Variants in LRRC74B observed in about 807,000 individuals in gnomAD.
LRRC74B encodes the protein leucine-rich repeat-containing protein 74B.
Under a neutral mutation model 16.6 loss-of-function variants are expected in LRRC74B, and 30 were observed. That is an observed-to-expected ratio of 1.80 (90% CI 1.35 to 2.45). The LOEUF is 2.45. Among genes scored for constraint, LRRC74B ranks in the 30% most tolerant of loss-of-function variants. LRRC74B has a pLI of 0.00. For missense variants in LRRC74B, 326 were observed against 202.4 expected, an observed-to-expected ratio of 1.61 and a Z score of -3.71; for synonymous variants, 134 against 86.0, an observed-to-expected ratio of 1.56 and a Z score of -3.09.
intron 7 of LRRC74B, chr22:21,056,895 A>T (rs1022382752): frequency 7.0e-6 from 4 of 573,268 alleles, no homozygotes; most frequent in Non-Finnish European, 1.2e-5. Flanking sequence ...TGTCTATATC[A>T]ATCGGAGGCC....
intron 3 of LRRC74B, chr22:21,048,304 A>G (rs1211943504): frequency 4.7e-6 from 2 of 421,118 alleles, no homozygotes; most frequent in East Asian, 4.9e-5. Flanking sequence ...CCAGTACCTG[A>G]ATGCAGGATG....
chr22:21,056,758 GCCTTTC>G (rs1226937538), intron 7 of LRRC74B: 10 of 237,518 alleles, frequency 4.2e-5, no homozygotes, highest in Admixed American at 1.7e-4. Context: ...TCCCCTCCCA[GCCTTTC>G]CCTCCCAGGG....
intron 8 of LRRC74B, among the ~76,000 whole-genome samples, chr22:21,058,208 T>C (rs977557061): frequency 2.6e-5 from 4 of 151,954 alleles, no homozygotes; most frequent in African/African-American, 9.7e-5. Context: ...CGAATTTTGA[T>C]TTTTTTAATG....
At chr22:21,049,667 G>A (rs1461022506) in intron 4 of LRRC74B, among the ~76,000 whole-genome samples, 1 of 151,720 alleles carries the variant, frequency 6.6e-6, no homozygotes, top group African/African-American at 2.4e-5. Context: ...TCCCAGACTG[G>A]CGGACAGCAG....
intron 6 of LRRC74B, 61 bp from the exon 7 acceptor site, chr22:21,055,037 T>TG (rs1305806996): frequency 2.8e-6 from 2 of 704,646 alleles, no homozygotes; most frequent in Non-Finnish European, 5.3e-6. Flanking sequence ...CCTGGGGCAG[T>TG]GGGCTCTGCA....
intron 6 of LRRC74B, 107 bp downstream of exon 6, chr22:21,053,582 C>T (rs1405012629): frequency 3.2e-6 from 2 of 632,966 alleles, no homozygotes; most frequent in African/African-American, 3.7e-5. Flanking sequence ...GCTTGAGCCA[C>T]AATCCCAGAG....
At chr22:21,055,668 G>A (rs1471436268) in intron 7 of LRRC74B, among the ~76,000 whole-genome samples, 2 of 152,142 alleles carry the variant, frequency 1.3e-5, no homozygotes, top group Non-Finnish European at 2.9e-5. Flanking sequence ...GGACCACTGT[G>A]CCCACAGCAG....
At chr22:21,050,664 G>A (rs1003559003) in intron 4 of LRRC74B, among the ~76,000 whole-genome samples, 3 of 151,528 alleles carry the variant, frequency 2.0e-5, no homozygotes, top group African/African-American at 4.9e-5. Flanking sequence ...TGTAGTCCCA[G>A]CTACATGGGA....
At chr22:21,052,782 A>G (rs1417311813) in intron 5 of LRRC74B, among the ~76,000 whole-genome samples, 1 of 152,138 alleles carries the variant, frequency 6.6e-6, no homozygotes, top group African/African-American at 2.4e-5. Context: ...TGGGTGGCTC[A>G]AGCTGGTGCT....
intron 3 of LRRC74B, chr22:21,048,305 A>T (rs574318675): frequency 1.4e-5 from 6 of 418,740 alleles, no homozygotes; most frequent in Non-Finnish European, 2.2e-5. Context: ...CAGTACCTGA[A>T]TGCAGGATGG....
chr22:21,064,165 A>G (rs1467164681), downstream of LRRC74B: 3 of 152,324 alleles, frequency 2.0e-5, no homozygotes, highest in African/African-American at 7.2e-5. Flanking sequence ...TAATGTATAG[A>G]CAACCAATAG....
At chr22:21,046,223 G>T (rs1490553056) in intron 1 of LRRC74B, 98 bp downstream of exon 1, 4 of 642,652 alleles carry the variant, frequency 6.2e-6, no homozygotes, top group East Asian at 2.7e-5. Flanking sequence ...AGCAGGGAAC[G>T]TACCCGCCTG....
intron 4 of LRRC74B, among the ~76,000 whole-genome samples, chr22:21,050,067 C>T (rs746072167): frequency 1.1e-4 from 16 of 152,064 alleles, no homozygotes; most frequent in Admixed American, 2.0e-4. Flanking sequence ...GACAGAGTCT[C>T]GCTCTGTCAC....
chr22:21,048,842 C>T (rs1351204484), intron 3 of LRRC74B, 109 bp from the exon 4 acceptor site: 2 of 647,760 alleles, frequency 3.1e-6, no homozygotes, highest in African/African-American at 1.8e-5. Context: ...GGACAGTTAA[C>T]CTGTAAGTCC....
At chr22:21,062,277 AT>A (rs1228571837), downstream of LRRC74B, 1 of 152,154 alleles carries the variant, frequency 6.6e-6, no homozygotes, top group Non-Finnish European at 1.5e-5. Context: ...TCTAAAATTG[AT>A]TGTGGTGATG....
At chr22:21,049,425 C>T in intron 4 of LRRC74B, 1 of 481,400 alleles carries the variant, frequency 2.1e-6, no homozygotes, top group South Asian at 3.7e-5. Flanking sequence ...AGTTCCTGAC[C>T]TCAAGGGACA....
chr22:21,051,782 C>T (rs1242978533), intron 4 of LRRC74B, among the ~76,000 whole-genome samples: 2 of 152,226 alleles, frequency 1.3e-5, no homozygotes, highest in Non-Finnish European at 2.9e-5. Context: ...TCCCCCTCCC[C>T]AGGCCCAGCT....
In LRRC74B at chr22:21,047,336, G is replaced by C; in HGVS notation, c.140-20G>C. 1.4e-6 allele frequency: 1 copy of C among 716,030 alleles called. No homozygotes were observed. The highest frequency in any genetic ancestry group is 2.6e-6 in the Non-Finnish European group (1 of 384,388). 44.4% of individuals were successfully genotyped at this position (716,030 alleles called of 1,614,324 possible). On this transcript the variant is annotated intron_variant, in intron 1 of 8. Transcript: ENST00000442047. Reference sequence around the variant, plus strand: ...CTGTAGCTGTGCAGGGTCCACATTCGTCCCCCTGTCTCCTGCCAGGCACCG... The same window carrying C: ...CTGTAGCTGTGCAGGGTCCACATTCCTCCCCCTGTCTCCTGCCAGGCACCG...
exon 6 of LRRC74B, chr22:21,053,452 C>T (rs889466497): frequency 9.8e-6 from 7 of 717,128 alleles, no homozygotes; most frequent in South Asian, 3.0e-5. Context: ...AGGCCAACAA[C>T]GTGTTGGAGG....
Sources: gnomAD v4.1 joint callset for allele counts (sites outside exome capture counted in the v4.1 genomes callset) on GRCh38, gnomAD v4.1.1 for gene constraint, MANE v1.5 for transcripts, NCBI Gene and HGNC (gene_info 2026-07-23, HGNC 2026-07-21) for gene names.